The following APBB2 variants were observed in gnomAD, a reference collection of about 807,000 sequenced individuals.
APBB2 encodes the protein Fe65-like 1.
Under a neutral mutation model 82.5 loss-of-function variants are expected in APBB2, and 38 were observed. That is an observed-to-expected ratio of 0.46 (90% CI 0.36 to 0.60). The LOEUF is 0.60. APBB2 is among the 20% of genes least tolerant of loss of function. APBB2 has a pLI of 0.00. For missense variants in APBB2, 772 were observed against 972.3 expected, an observed-to-expected ratio of 0.79 and a Z score of 2.74; for synonymous variants, 341 against 368.2, an observed-to-expected ratio of 0.93 and a Z score of 0.85.
chr4:40,878,320 G>A (rs1482670037), intron 12 of APBB2, among the ~76,000 whole-genome samples: 4 of 152,020 alleles, frequency 2.6e-5, no homozygotes, highest in Non-Finnish European at 5.9e-5. Flanking sequence ...CACCCTGGAC[G>A]ACAGAGTGAG....
At chr4:40,913,233 G>C (rs1324117907) in intron 10 of APBB2, among the ~76,000 whole-genome samples, 1 of 152,198 alleles carries the variant, frequency 6.6e-6, no homozygotes, top group Non-Finnish European at 1.5e-5. Flanking sequence ...GGACGCTGTG[G>C]GCCAATGGTG....
In APBB2 at chr4:41,013,936, A is replaced by C. The variant is rs1326309573; in HGVS notation, c.482T>G (p.Phe161Cys). The change falls in exon 6 of 18, where the codon TTC (phenylalanine) becomes TGC (cysteine). Residue 161 changes from phenylalanine to cysteine, a missense_variant. Physicochemically the swap from Phe to Cys is radical, Grantham distance 205 (BLOSUM62 -2). Transcript: ENST00000508593. ...TTCCAGATCTGCATAGTAATTTAGG[A>C]AGCTCTTAGTTCTCCTGGGCTGGGA... ...LPSQPRRTKS[F>C]LNYYADLETS... 1 of 1,614,106 alleles carries C rather than the reference A, an allele frequency of 6.2e-7. No homozygotes were observed. Among genetic ancestry groups the C allele is most frequent in the South Asian group, 1.1e-5 (1 of 91,084 alleles).
chr4:41,084,572 G>C (rs1039708940), intron 3 of APBB2: 1 of 152,184 alleles, frequency 6.6e-6, no homozygotes, highest in Non-Finnish European at 1.5e-5. Flanking sequence ...TGGTCCAAAA[G>C]AATTGAGTAA....
intron 7 of APBB2, among the ~76,000 whole-genome samples, chr4:40,943,858 G>A (rs1249065233): frequency 1.3e-5 from 2 of 152,186 alleles, no homozygotes; most frequent in Non-Finnish European, 2.9e-5. Context: ...AGAATCTGAG[G>A]TCCAGGCTGG....
At position 40,888,327 on chromosome 4, in the gene APBB2, T is replaced by C. The variant is rs541121587; in HGVS notation, c.1529+2037A>G. 2.0e-5 allele frequency among the ~76,000 whole-genome samples: 3 copies of C among 152,388 alleles called. No homozygotes were observed. In the South Asian group the frequency reaches 6.2e-4, roughly 32 times the overall value. On this transcript the variant is annotated intron_variant, in intron 12 of 17. Transcript: ENST00000508593. The stretch of plus-strand genomic sequence containing the variant: ...TTTGTTTCCTTCCAGACATGTAGCA[T>C]GTGGCCTCACTTTAAAGAGTTAGGG...
rs1560447135 is a variant in APBB2 at position 40,982,310 on chromosome 4, GAAAGAAA to G, written c.835+31266_835+31272del. Among the ~76,000 whole-genome samples, 149 of 49,342 alleles carry G rather than the reference GAAAGAAA, an allele frequency of 3.0e-3. 28 individuals carry two copies. Among genetic ancestry groups the G allele is most frequent in the East Asian group, 0.014 (21 of 1,496 alleles). 32.4% of individuals were successfully genotyped at this position (49,342 alleles called of 152,430 possible). A position where few individuals can be genotyped will look rare whatever the true frequency, so the allele number is the denominator to read the frequency against. On this transcript the variant is annotated intron_variant, in intron 6 of 17. Coordinates refer to ENST00000508593, the MANE Select transcript of APBB2 (RefSeq NM_004307.2). ...GGAAGGAAGGAAGGAAGGAAGGAAA[GAAAGAAA>G]GAAAGAAAAGAAAGAAGGAAGGAAG...
intron 12 of APBB2, among the ~76,000 whole-genome samples, chr4:40,860,751 C>T (rs1762562993): frequency 6.6e-6 from 1 of 152,120 alleles, no homozygotes; most frequent in South Asian, 2.1e-4. Context: ...CTTAATACAT[C>T]CACTATTGAT....
At chr4:41,089,680 A>C (rs1741033044) in intron 3 of APBB2, among the ~76,000 whole-genome samples, 2 of 152,230 alleles carry the variant, frequency 1.3e-5, no homozygotes, top group African/African-American at 4.8e-5. Context: ...ACAGATAGCC[A>C]GTGGAAGAGT....
chr4:40,912,999 C>T (rs1348505068), intron 10 of APBB2, among the ~76,000 whole-genome samples: 3 of 152,224 alleles, frequency 2.0e-5, no homozygotes, highest in South Asian at 2.1e-4. Context: ...CTACAGATTA[C>T]GTTTCTGCTG....
At chr4:41,182,105 C>T (rs1198734822) in intron 1 of APBB2, among the ~76,000 whole-genome samples, 1 of 152,146 alleles carries the variant, frequency 6.6e-6, no homozygotes, top group Non-Finnish European at 1.5e-5. Flanking sequence ...AAAGATCTTT[C>T]CATCTCTAGC....
intron 5 of APBB2, among the ~76,000 whole-genome samples, chr4:41,016,199 G>A (rs1373876843): frequency 6.6e-6 from 1 of 152,138 alleles, no homozygotes; most frequent in Non-Finnish European, 1.5e-5. Flanking sequence ...TTTATATTAG[G>A]CTGCTTTATG....
intron 3 of APBB2, among the ~76,000 whole-genome samples, chr4:41,074,869 C>T (rs1735125175): frequency 6.6e-6 from 1 of 152,072 alleles, no homozygotes; most frequent in African/African-American, 2.4e-5. Context: ...TTAGATCAGG[C>T]CCAGCATGGT....
At chr4:40,912,122 T>C (rs1778721532) in intron 10 of APBB2, among the ~76,000 whole-genome samples, 1 of 152,204 alleles carries the variant, frequency 6.6e-6, no homozygotes, top group African/African-American at 2.4e-5. Flanking sequence ...TAATAGGAAA[T>C]AGAGATTGTC....
In APBB2 at chr4:40,853,060, G is replaced by A. The variant is rs74458200; in HGVS notation, c.1530-22483C>T. 2.8e-3 allele frequency among the ~76,000 whole-genome samples: 432 copies of A among 152,116 alleles called. 2 individuals carry two copies. The highest frequency in any genetic ancestry group is 0.01 in the Middle Eastern group (3 of 294). On this transcript the variant is annotated intron_variant, in intron 12 of 17. Coordinates refer to ENST00000508593, the MANE Select transcript of APBB2 (RefSeq NM_004307.2). Reference sequence around the variant, plus strand: ...TGTATTTTCTACAGACATAAACAACGCATCAAAGAAATCAGGTATGGTCCT... The same window carrying A: ...TGTATTTTCTACAGACATAAACAACACATCAAAGAAATCAGGTATGGTCCT...
chr4:41,017,618 G>A (rs1288176135), intron 5 of APBB2, among the ~76,000 whole-genome samples: 6 of 148,850 alleles, frequency 4.0e-5, no homozygotes, highest in Non-Finnish European at 5.9e-5. Context: ...ATAAATGTGA[G>A]CTCCACTCAC....
At chr4:40,916,720 A>G (rs1320381322) in intron 10 of APBB2, among the ~76,000 whole-genome samples, 1 of 152,190 alleles carries the variant, frequency 6.6e-6, no homozygotes. Context: ...GAGAGCGAGC[A>G]TGACTGACCG....
chr4:41,035,760 G>C (rs553182645), intron 4 of APBB2, among the ~76,000 whole-genome samples: 1 of 152,210 alleles, frequency 6.6e-6, no homozygotes, highest in Non-Finnish European at 1.5e-5. Context: ...CATCTGTACT[G>C]AATATGTACA....
At chr4:41,106,894 A>T (rs1747459518) in intron 2 of APBB2, among the ~76,000 whole-genome samples, 2 of 152,230 alleles carry the variant, frequency 1.3e-5, no homozygotes, top group Admixed American at 6.5e-5. Flanking sequence ...AGCCCAGAAC[A>T]TCTTACTGTG....
chr4:40,968,989 T>C (rs1412661663), intron 6 of APBB2, among the ~76,000 whole-genome samples: 1 of 152,218 alleles, frequency 6.6e-6, no homozygotes, highest in Non-Finnish European at 1.5e-5. Context: ...ATTTCTCCTT[T>C]CGCTTGGCTC....
Sources: allele counts gnomAD v4.1 joint callset (sites outside exome capture counted in the v4.1 genomes callset), GRCh38; gene constraint gnomAD v4.1.1; transcripts MANE v1.5; gene names NCBI Gene and HGNC (gene_info 2026-07-23, HGNC 2026-07-21).